NAA60: variants seen among roughly 807,000 people sequenced by gnomAD.
NAA60 encodes the protein N-alpha-acetyltransferase 60.
In NAA60, 8 loss-of-function variants were observed where a neutral mutation model predicts 26.1. That is an observed-to-expected ratio of 0.31 (90% CI 0.18 to 0.55). NAA60 has a LOEUF of 0.55. NAA60 is among the 20% of genes least tolerant of loss of function. NAA60 has a pLI of 0.93. For missense variants in NAA60, 290 were observed against 311.3 expected, an observed-to-expected ratio of 0.93 and a Z score of 0.51; for synonymous variants, 131 against 122.5, an observed-to-expected ratio of 1.07 and a Z score of -0.46.
At chr16:3,473,362 G>A (rs1375909946) in intron 2 of NAA60, among the ~76,000 whole-genome samples, 1 of 152,156 alleles carries the variant, frequency 6.6e-6, no homozygotes, top group African/African-American at 2.4e-5. Flanking sequence ...CAAAAGTCAC[G>A]TCTTACATGG....
At chr16:3,477,030 A>G (rs919784710) in intron 3 of NAA60, among the ~76,000 whole-genome samples, 4 of 152,084 alleles carry the variant, frequency 2.6e-5, no homozygotes, top group African/African-American at 4.8e-5. Flanking sequence ...AACAAGAGCG[A>G]TATTCCGTTT....
At chr16:3,453,900 A>C (rs1360078677) in intron 2 of NAA60, among the ~76,000 whole-genome samples, 1 of 151,952 alleles carries the variant, frequency 6.6e-6, no homozygotes, top group African/African-American at 2.4e-5. Flanking sequence ...ACCTTTCCCA[A>C]ATAGAGCTTG....
At chr16:3,478,983 C>G (rs944490540) in intron 3 of NAA60, among the ~76,000 whole-genome samples, 1 of 152,086 alleles carries the variant, frequency 6.6e-6, no homozygotes, top group Non-Finnish European at 1.5e-5. Context: ...CACCTGTAAT[C>G]CCAGTACTTT....
At chr16:3,469,986 C>T (rs192907122) in intron 2 of NAA60, among the ~76,000 whole-genome samples, 25 of 152,332 alleles carry the variant, frequency 1.6e-4, no homozygotes, top group Non-Finnish European at 2.9e-4. Context: ...CTCCTCTGTG[C>T]GCCGGGCCTG....
chr16:3,484,756 GCA>G lies in NAA60; in HGVS notation c.633_634del (p.His211GlnfsTer56), dbSNP rs2037065821. On this transcript the variant is annotated frameshift_variant, in exon 7 of 8. Transcript: ENST00000407558. LOFTEE classifies it high-confidence loss of function. Reference sequence around the variant, plus strand: ...CCAGCCTGAGCCCCTGCTCCATTCCGCACAGAGTCTACCGCCAGGCCCACAGC... The same window carrying G: ...CCAGCCTGAGCCCCTGCTCCATTCCGCAGAGTCTACCGCCAGGCCCACAGC... ...LASLSPCSIPHRVYRQAHSLL... is the reference protein window; with the variant it reads ...LASLSPCSIPXRVYRQAHSLL... The G allele has an allele frequency of 6.3e-7, 1 of 1,594,194 alleles. No homozygotes were observed. Among genetic ancestry groups the G allele is most frequent in the African/African-American group, 1.3e-5 (1 of 74,414 alleles).
chr16:3,472,871 C>G (rs2150995614), intron 2 of NAA60, among the ~76,000 whole-genome samples: 1 of 152,300 alleles, frequency 6.6e-6, no homozygotes, highest in African/African-American at 2.4e-5. Flanking sequence ...TCATTTTGCC[C>G]CTGCATATTC....
intron 2 of NAA60, among the ~76,000 whole-genome samples, chr16:3,454,876 GAGAA>G (rs917115895): frequency 9.8e-5 from 15 of 152,286 alleles, no homozygotes; most frequent in African/African-American, 3.6e-4. Context: ...CAAACACAAA[GAGAA>G]AGGGTGGAAG....
At chr16:3,474,577 G>A (rs2036355688) in intron 2 of NAA60, among the ~76,000 whole-genome samples, 1 of 152,244 alleles carries the variant, frequency 6.6e-6, no homozygotes, top group Non-Finnish European at 1.5e-5. Flanking sequence ...CCCACCCATG[G>A]CAGCAGGAGG....
In NAA60 at chr16:3,482,791, C is replaced by A. The variant is rs191365584; in HGVS notation, c.337+193C>A. Reference sequence around the variant, plus strand: ...ATCCCTCCCCTGCCAGCACACCCACCACCTTCAGCCATCCTCTTTCCACAT... The same window carrying A: ...ATCCCTCCCCTGCCAGCACACCCACAACCTTCAGCCATCCTCTTTCCACAT... On this transcript the variant is annotated intron_variant, in intron 5 of 7. Transcript: ENST00000407558. 12 of 613,072 alleles carry A rather than the reference C, an allele frequency of 2.0e-5. No individual in the cohort carries two copies. In the African/African-American group the frequency reaches 2.0e-4, roughly 10 times the overall value. 38.0% of individuals were successfully genotyped at this position (613,072 alleles called of 1,614,324 possible).
intron 2 of NAA60, among the ~76,000 whole-genome samples, chr16:3,457,661 C>T (rs1404151799): frequency 2.0e-5 from 3 of 152,248 alleles, no homozygotes; most frequent in Non-Finnish European, 4.4e-5. Context: ...TTGGCCAGCC[C>T]CGGCGCTGCA....
chr16:3,455,117 T>C (rs2034924275), intron 2 of NAA60, among the ~76,000 whole-genome samples: 1 of 152,206 alleles, frequency 6.6e-6, no homozygotes. Context: ...AATGGTGCGA[T>C]CTCGGCTCGC....
At chr16:3,467,416 G>T (rs1308568820) in intron 2 of NAA60, among the ~76,000 whole-genome samples, 1 of 152,126 alleles carries the variant, frequency 6.6e-6, no homozygotes, top group Admixed American at 6.5e-5. Context: ...TGGAGGCCAG[G>T]ACACCTCTCA....
chr16:3,455,860 C>G (rs1419708724), intron 2 of NAA60, among the ~76,000 whole-genome samples: 3 of 151,912 alleles, frequency 2.0e-5, no homozygotes, highest in Admixed American at 6.6e-5. Flanking sequence ...GCACGCACCA[C>G]TATGCCCAGC....
intron 2 of NAA60, among the ~76,000 whole-genome samples, chr16:3,454,762 CA>C (rs149769016): frequency 9.3e-4 from 141 of 152,298 alleles, no homozygotes; most frequent in Non-Finnish European, 1.3e-3. Flanking sequence ...CTTGCTTAGG[CA>C]GGGGTCCTCT....
rs550272385 is a variant in NAA60, at chr16:3,485,525, C to G, written c.*265C>G. The G allele has an allele frequency of 4.4e-6, 2 of 455,500 alleles. No individual in the cohort carries two copies. Among genetic ancestry groups the G allele is most frequent in the Admixed American group, 2.4e-5 (1 of 42,480 alleles). 28.2% of individuals were successfully genotyped at this position (455,500 alleles called of 1,614,324 possible). A position where few individuals can be genotyped will look rare whatever the true frequency, so the allele number is the denominator to read the frequency against. ...TCTGCCTGCTGCCCTGGCCCTGCCC[C>G]CCTGCGCATGCACCGTCCCCAGGGC... On this transcript the variant is annotated 3_prime_UTR_variant, in exon 8 of 8. Coordinates refer to ENST00000407558, the MANE Select transcript of NAA60 (RefSeq NM_001083601.3).
intron 2 of NAA60, 129 bp from the exon 3 acceptor site, chr16:3,476,093 C>A: frequency 1.5e-6 from 1 of 659,076 alleles, no homozygotes; most frequent in Non-Finnish European, 2.6e-6. Context: ...GCAGAGGCCT[C>A]TGAGTGCTGG....
At chr16:3,471,195 A>G (rs945142257) in intron 2 of NAA60, among the ~76,000 whole-genome samples, 2 of 152,056 alleles carry the variant, frequency 1.3e-5, no homozygotes, top group African/African-American at 4.8e-5. Context: ...GAGATTTGTG[A>G]AAATCTTTAA....
intron 2 of NAA60, among the ~76,000 whole-genome samples, chr16:3,471,934 G>A (rs918268115): frequency 2.0e-5 from 3 of 152,152 alleles, no homozygotes; most frequent in African/African-American, 7.2e-5. Flanking sequence ...CTTGTCCGTC[G>A]ATGTTGTGGG....
chr16:3,475,748 C>T (rs2036439407), intron 2 of NAA60, among the ~76,000 whole-genome samples: 1 of 152,244 alleles, frequency 6.6e-6, no homozygotes, highest in Non-Finnish European at 1.5e-5. Context: ...ACCATTTCCC[C>T]TGCAAATCCA....
Sources: gnomAD v4.1 joint callset for allele counts (sites outside exome capture counted in the v4.1 genomes callset) on GRCh38, gnomAD v4.1.1 for gene constraint, MANE v1.5 for transcripts, NCBI Gene and HGNC (gene_info 2026-07-23, HGNC 2026-07-21) for gene names.